CSMD1: variants seen among roughly 807,000 people sequenced by gnomAD.
The protein encoded by CSMD1 is CUB and sushi domain-containing protein 1.
A neutral mutation model predicts 417.5 loss-of-function variants in CSMD1; 213 were observed. The ratio of observed to expected loss-of-function variants is 0.51; its 90% CI spans 0.46 to 0.57. The LOEUF (loss-of-function observed/expected upper bound fraction) is 0.57. CSMD1 is among the 20% of genes least tolerant of loss of function. The pLI is 0.00. For synonymous variants in CSMD1, 2,862 were observed against 1,736.8 expected, an observed-to-expected ratio of 1.65 and a Z score of -16.11; for missense variants, 6,923 against 4,529.7, an observed-to-expected ratio of 1.53 and a Z score of -15.17.
chr8:4,130,803 A>G (rs1209540209), intron 3 of CSMD1, among the ~76,000 whole-genome samples: 3 of 151,832 alleles, frequency 2.0e-5, no homozygotes, highest in East Asian at 3.9e-4. Flanking sequence ...CTTACAAATT[A>G]TATATTTGTA....
chr8:3,546,423 C>T (rs1798666963), intron 10 of CSMD1, among the ~76,000 whole-genome samples: 1 of 151,882 alleles, frequency 6.6e-6, no homozygotes, highest in Non-Finnish European at 1.5e-5. Context: ...GTAGTCCCAG[C>T]TACTTGGGAG....
At chr8:3,156,778 G>C (rs1278487937) in intron 39 of CSMD1, among the ~76,000 whole-genome samples, 1 of 152,010 alleles carries the variant, frequency 6.6e-6, no homozygotes, top group African/African-American at 2.4e-5. Context: ...GATAAAGTTG[G>C]AGTATGGCTG....
At chr8:4,722,508 T>A (rs902318411) in intron 1 of CSMD1, among the ~76,000 whole-genome samples, 1 of 152,084 alleles carries the variant, frequency 6.6e-6, no homozygotes, top group Non-Finnish European at 1.5e-5. Flanking sequence ...CTTGGGAGGA[T>A]TGCTGATTCT....
chr8:3,502,939 G>A (rs1200659067), intron 10 of CSMD1, among the ~76,000 whole-genome samples: 4 of 152,176 alleles, frequency 2.6e-5, no homozygotes, highest in African/African-American at 7.2e-5. Flanking sequence ...AACACACCAT[G>A]CTGAAAGCAT....
chr8:3,313,685 G>A (rs1449386854), intron 23 of CSMD1, among the ~76,000 whole-genome samples: 1 of 152,050 alleles, frequency 6.6e-6, no homozygotes, highest in Non-Finnish European at 1.5e-5. Context: ...CTGTAAACGA[G>A]TTCAACCATT....
At chr8:4,550,058 A>G (rs1797803026) in intron 2 of CSMD1, among the ~76,000 whole-genome samples, 1 of 151,980 alleles carries the variant, frequency 6.6e-6, no homozygotes, top group Non-Finnish European at 1.5e-5. Context: ...TGTCATCCTC[A>G]GAATTGGAAC....
At chr8:3,065,316 T>TAGAC (rs901818787) in intron 49 of CSMD1, among the ~76,000 whole-genome samples, 3 of 149,258 alleles carry the variant, frequency 2.0e-5, no homozygotes, top group African/African-American at 5.1e-5. Context: ...GATAGATAGA[T>TAGAC]AGACAGACAG....
chr8:4,202,978 C>T (rs1799749420), intron 3 of CSMD1, among the ~76,000 whole-genome samples: 2 of 152,128 alleles, frequency 1.3e-5, no homozygotes, highest in African/African-American at 4.8e-5. Context: ...ATTACCTCCA[C>T]CAAAGATGTC....
intron 9 of CSMD1, among the ~76,000 whole-genome samples, chr8:3,582,442 T>A (rs1347366601): frequency 1.3e-5 from 2 of 152,086 alleles, no homozygotes; most frequent in Admixed American, 6.6e-5. Context: ...GAAGAAAGAG[T>A]GTTCTACAGA....
intron 10 of CSMD1, among the ~76,000 whole-genome samples, chr8:3,527,046 A>G (rs890446635): frequency 1.3e-5 from 2 of 151,970 alleles, no homozygotes; most frequent in South Asian, 2.1e-4. Context: ...CAGTTGTCGT[A>G]TGCATGCCGG....
At chr8:4,052,222 C>A (rs2740890) in intron 3 of CSMD1, among the ~76,000 whole-genome samples, 19 of 152,230 alleles carry the variant, frequency 1.2e-4, no homozygotes, top group Middle Eastern at 3.4e-3. Context: ...ACCGTGCCCA[C>A]CCAGTACTGC....
chr8:4,582,158 G>A (rs1799451757), intron 2 of CSMD1, among the ~76,000 whole-genome samples: 1 of 151,796 alleles, frequency 6.6e-6, no homozygotes, highest in Non-Finnish European at 1.5e-5. Flanking sequence ...TCCCTGGCAT[G>A]TCTGTAGTGA....
chr8:4,597,055 C>G (rs1036462929), intron 2 of CSMD1, among the ~76,000 whole-genome samples: 1 of 152,114 alleles, frequency 6.6e-6, no homozygotes, highest in African/African-American at 2.4e-5. Context: ...ATTTTTCTTC[C>G]CTGCCTTGGG....
At chr8:4,234,756 C>A (rs1380508140) in intron 3 of CSMD1, among the ~76,000 whole-genome samples, 1 of 152,046 alleles carries the variant, frequency 6.6e-6, no homozygotes, top group Admixed American at 6.6e-5. Flanking sequence ...GTGGCTGCTC[C>A]CAGAACAAAA....
intron 5 of CSMD1, among the ~76,000 whole-genome samples, chr8:3,983,892 T>C (rs917181043): frequency 3.3e-5 from 5 of 151,722 alleles, no homozygotes; most frequent in African/African-American, 9.7e-5. Flanking sequence ...GGACTGTCAA[T>C]TGCAGTTCTA....
At chr8:3,577,654 G>A (rs1021291665) in intron 9 of CSMD1, among the ~76,000 whole-genome samples, 11 of 152,152 alleles carry the variant, frequency 7.2e-5, no homozygotes, top group Middle Eastern at 3.2e-3. Flanking sequence ...ACAGCCTTAA[G>A]TCACATAACC....
chr8:4,012,440 A>C (rs1428151307), intron 4 of CSMD1, among the ~76,000 whole-genome samples: 1 of 151,896 alleles, frequency 6.6e-6, no homozygotes. Context: ...CTTAACTTTT[A>C]TTTTTGTTTC....
intron 7 of CSMD1, among the ~76,000 whole-genome samples, chr8:3,648,158 C>G (rs1199690444): frequency 6.6e-6 from 1 of 152,214 alleles, no homozygotes; most frequent in Non-Finnish European, 1.5e-5. Context: ...AAGTTAGATA[C>G]TTCTCTACCA....
chr8:4,603,118 G>C (rs890732704), intron 2 of CSMD1, among the ~76,000 whole-genome samples: 1 of 151,762 alleles, frequency 6.6e-6, no homozygotes, highest in Non-Finnish European at 1.5e-5. Flanking sequence ...AATAGTTTTG[G>C]CTTGAATTTT....
Sources: allele counts gnomAD v4.1 joint callset (sites outside exome capture counted in the v4.1 genomes callset), GRCh38; gene constraint gnomAD v4.1.1; transcripts MANE v1.5; gene names NCBI Gene and HGNC (gene_info 2026-07-23, HGNC 2026-07-21).